The following ZFAT variants were observed in gnomAD, a reference collection of about 807,000 sequenced individuals.
ZFAT encodes the protein zinc finger protein ZFAT.
Under a neutral mutation model 117.7 loss-of-function variants are expected in ZFAT, and 64 were observed. The observed-to-expected ratio is 0.54, with a 90% confidence interval of 0.44 to 0.67. The LOEUF is 0.67. Among genes scored for constraint, ZFAT ranks in the 30% least tolerant of loss-of-function variants. ZFAT has a pLI of 0.00. For synonymous variants in ZFAT, 679 were observed against 615.0 expected (o/e 1.10, Z -1.54); for missense variants, 1,433 against 1,584.5 (o/e 0.90, Z 1.62).
intron 13 of ZFAT, among the ~76,000 whole-genome samples, chr8:134,518,692 TTA>T (rs1431368602): frequency 6.6e-6 from 1 of 151,976 alleles, no homozygotes; most frequent in African/African-American, 2.4e-5. Context: ...TTTTTATCAT[TTA>T]TCTTTTTACT....
chr8:134,499,847 G>A (rs1818835259), intron 15 of ZFAT, among the ~76,000 whole-genome samples: 2 of 152,236 alleles, frequency 1.3e-5, no homozygotes, highest in Admixed American at 6.5e-5. Flanking sequence ...TGTGCTGACA[G>A]GGCAGACGTC....
At chr8:134,669,476 C>T (rs928565742) in intron 1 of ZFAT, among the ~76,000 whole-genome samples, 2 of 152,122 alleles carry the variant, frequency 1.3e-5, no homozygotes, top group Non-Finnish European at 2.9e-5. Context: ...GAAATTTCAA[C>T]CCAGAATTTC....
At position 134,602,585 on chromosome 8, in the gene ZFAT, G is replaced by T; in HGVS notation, c.1134C>A (p.Asp378Glu). 1.2e-6 allele frequency: 2 copies of T among 1,614,114 alleles called. No homozygotes were observed. Among genetic ancestry groups the T allele is most frequent in the Non-Finnish European group, 8.5e-7 (1 of 1,180,046 alleles). The change falls in exon 6 of 16, where the codon GAC becomes GAA. Residue 378 changes from aspartate (D) to glutamate (E), a missense_variant. By Grantham distance (45) the Asp-to-Glu change is conservative. Transcript: ENST00000377838. Reference sequence around the variant, plus strand: ...CCTCTTTGACCTTCTTGTCCTGTGGGTCATGCGCGTCTCGGATGTGCTTGA... The same window carrying T: ...CCTCTTTGACCTTCTTGTCCTGTGGTTCATGCGCGTCTCGGATGTGCTTGA... ...NLIKHIRDAH[D>E]PQDKKVKEAL...
intron 7 of ZFAT, among the ~76,000 whole-genome samples, chr8:134,596,868 T>C (rs1411417816): frequency 2.0e-5 from 3 of 152,092 alleles, no homozygotes; most frequent in African/African-American, 7.2e-5. Flanking sequence ...GATTAGTGGC[T>C]GCCTAGGGCT....
intron 11 of ZFAT, among the ~76,000 whole-genome samples, chr8:134,557,179 T>C (rs1261483815): frequency 6.7e-6 from 1 of 149,850 alleles, no homozygotes; most frequent in South Asian, 2.1e-4. Flanking sequence ...CAAAGATAAG[T>C]TAAGGTCTAC....
chr8:134,641,252 C>T (rs1214239747), intron 2 of ZFAT, among the ~76,000 whole-genome samples: 2 of 152,178 alleles, frequency 1.3e-5, no homozygotes, highest in Non-Finnish European at 2.9e-5. Flanking sequence ...CACCTGCACA[C>T]ACACACACAT....
At chr8:134,493,510 G>C (rs1009738451) in intron 15 of ZFAT, among the ~76,000 whole-genome samples, 3 of 152,212 alleles carry the variant, frequency 2.0e-5, no homozygotes, top group African/African-American at 7.2e-5. Flanking sequence ...TGCATGTCTC[G>C]GCAGTCTAGG....
intron 2 of ZFAT, among the ~76,000 whole-genome samples, chr8:134,641,940 A>G (rs1830609173): frequency 6.6e-6 from 1 of 152,260 alleles, no homozygotes; most frequent in Admixed American, 6.5e-5. Context: ...CAATCAAAAC[A>G]CAACGTGAAC....
At position 134,520,899 on chromosome 8, in the gene ZFAT, C is replaced by T. The variant is rs1463778510; in HGVS notation, c.3218G>A (p.Gly1073Glu). 23 of 1,613,644 alleles carry T rather than the reference C, an allele frequency of 1.4e-5. No individual in the cohort carries two copies. Among genetic ancestry groups the T allele is most frequent in the Non-Finnish European group, 1.9e-5 (22 of 1,179,770 alleles). ...KHGLKVVEID[G>E]DPKWETATEA... ...AAAAATTACCTCCCACTTGGGGTCTCCATCAATTTCCACCACCTTCAAGCC... is the reference window on the plus strand; with the variant it reads ...AAAAATTACCTCCCACTTGGGGTCTTCATCAATTTCCACCACCTTCAAGCC... Residue 1073 changes from glycine to glutamate, a missense_variant, in exon 13 of 16, where the codon GGA becomes GAA. Transcript: ENST00000377838.
chr8:134,667,003 G>A (rs947521897), intron 1 of ZFAT, among the ~76,000 whole-genome samples: 3 of 152,124 alleles, frequency 2.0e-5, no homozygotes, highest in Admixed American at 2.0e-4. Flanking sequence ...GGATGAAGGT[G>A]GAAACCATCA....
the ZFAT span, among the ~76,000 whole-genome samples, chr8:134,776,653 A>G: frequency 6.6e-6 from 1 of 152,202 alleles, no homozygotes; most frequent in Non-Finnish European, 1.5e-5. Flanking sequence ...CTTTTGTAGC[A>G]GTTACGTACG....
chr8:134,828,293 A>T, the ZFAT span, among the ~76,000 whole-genome samples: 1 of 152,222 alleles, frequency 6.6e-6, no homozygotes, highest in Non-Finnish European at 1.5e-5. Context: ...ATAATATTCA[A>T]TTATGCTAAG....
chr8:134,484,169 G>A (rs1397616676), intron 15 of ZFAT, among the ~76,000 whole-genome samples: 1 of 152,228 alleles, frequency 6.6e-6, no homozygotes. Flanking sequence ...CGAGGAGCCA[G>A]TGCACAAAGG....
At chr8:134,826,193 A>C in the ZFAT span, among the ~76,000 whole-genome samples, 1 of 152,224 alleles carries the variant, frequency 6.6e-6, no homozygotes, top group Non-Finnish European at 1.5e-5. Context: ...TTCAGCTATA[A>C]ATTTGTTTGG....
In ZFAT at chr8:134,600,547, G is replaced by A. The variant is rs200425686; in HGVS notation, c.2364C>T (p.His788=). ...AGATGTTACTGTGTTTCTGAATTAC[G>A]TGGCGTTTAAGGCAGTTTTTGGTGA... The part of the protein sequence containing the change: ...SSITKNCLKR[H]VIQKHSNILL... The change falls in exon 7 of 16, where the codon CAC becomes CAT. Residue 788 remains histidine (H), a synonymous_variant. Transcript: ENST00000377838. 9.3e-5 allele frequency: 150 copies of A among 1,614,118 alleles called. No individual in the cohort carries two copies. In the Admixed American group the frequency reaches 1.0e-3, roughly 11 times the overall value.
the ZFAT span, among the ~76,000 whole-genome samples, chr8:134,767,917 C>G: frequency 6.6e-6 from 1 of 152,070 alleles, no homozygotes. Flanking sequence ...AAAATTGACC[C>G]CATCTTATTC....
At chr8:134,479,699 G>T (rs1011873211) in intron 15 of ZFAT, among the ~76,000 whole-genome samples, 1 of 152,158 alleles carries the variant, frequency 6.6e-6, no homozygotes, top group Non-Finnish European at 1.5e-5. Context: ...TTCCAGGTGA[G>T]TCTGAATGGC....
intron 2 of ZFAT, among the ~76,000 whole-genome samples, chr8:134,640,105 T>C (rs1356096545): frequency 1.3e-5 from 2 of 152,212 alleles, no homozygotes; most frequent in Non-Finnish European, 2.9e-5. Context: ...TCTGCAACTT[T>C]ACCCACACAC....
At chr8:134,579,356 C>T (rs1825552975) in intron 10 of ZFAT, among the ~76,000 whole-genome samples, 2 of 152,184 alleles carry the variant, frequency 1.3e-5, no homozygotes, top group Non-Finnish European at 2.9e-5. Context: ...GCTGGGGAGG[C>T]CTCACAATCG....
Sources: gnomAD v4.1 joint callset for allele counts (sites outside exome capture counted in the v4.1 genomes callset) on GRCh38, gnomAD v4.1.1 for gene constraint, MANE v1.5 for transcripts, NCBI Gene and HGNC (gene_info 2026-07-23, HGNC 2026-07-21) for gene names.